Variants in TAB2 observed in about 807,000 individuals in gnomAD.
TAB2 encodes the protein TGF-beta-activated kinase 1 and MAP3K7-binding protein 2.
In TAB2, 3 loss-of-function variants were observed where a neutral mutation model predicts 65.0. The ratio of observed to expected loss-of-function variants is 0.05; its 90% confidence interval spans 0.02 to 0.12. TAB2 has a LOEUF of 0.12. Among genes scored for constraint, TAB2 ranks in the 10% least tolerant of loss-of-function variants. The pLI, the probability that TAB2 is intolerant of heterozygous loss-of-function variation, is 1.00. For missense variants in TAB2, 623 were observed against 840.3 expected (o/e 0.74, Z 3.20); for synonymous variants, 298 against 285.1 (o/e 1.05, Z -0.46).
chr6:149,286,841 C>T (rs779548635), intron 1 of TAB2, among the ~76,000 whole-genome samples: 6 of 152,086 alleles, frequency 3.9e-5, no homozygotes, highest in Non-Finnish European at 4.4e-5. Flanking sequence ...ATTGGCTGGG[C>T]GCGGTAGCTC....
chr6:149,369,763 A>T (rs1781158467), intron 1 of TAB2, 146 bp from the exon 2 acceptor site: 1 of 600,590 alleles, frequency 1.7e-6, no homozygotes, highest in Non-Finnish European at 2.9e-6. Flanking sequence ...GTATAACTAT[A>T]TGGAAAGCAT....
At chr6:149,232,980 T>C (rs1026637991) in intron 1 of TAB2, among the ~76,000 whole-genome samples, 3 of 152,134 alleles carry the variant, frequency 2.0e-5, no homozygotes, top group African/African-American at 7.2e-5. Flanking sequence ...ACAGCTGACA[T>C]CCTGGCCAGG....
At chr6:149,308,591 A>G (rs1779111391) in intron 1 of TAB2, among the ~76,000 whole-genome samples, 1 of 151,818 alleles carries the variant, frequency 6.6e-6, no homozygotes, top group Non-Finnish European at 1.5e-5. Context: ...GCAGTGGCAC[A>G]ATCTCAGGCT....
chr6:149,256,757 A>G (rs1778045534), intron 1 of TAB2, among the ~76,000 whole-genome samples: 1 of 152,214 alleles, frequency 6.6e-6, no homozygotes, highest in Admixed American at 6.5e-5. Context: ...AATAAGGAAC[A>G]GACTTCTTTA....
At chr6:149,363,350 T>C (rs1403217641) in intron 1 of TAB2, among the ~76,000 whole-genome samples, 1 of 152,098 alleles carries the variant, frequency 6.6e-6, no homozygotes, top group Non-Finnish European at 1.5e-5. Flanking sequence ...TAGGTAGGAA[T>C]GTGGAGAAAC....
rs535747844 is a variant in TAB2, at chr6:149,357,272, C to A, written c.-89-12637C>A. On this transcript the variant is annotated intron_variant, in intron 1 of 6. Transcript: ENST00000637181. ...CTCTACTAAAAATACAAAAACTAATCGGGCGTGGTGGTGTGCACCTGTAGT... is the reference window on the plus strand; with the variant it reads ...CTCTACTAAAAATACAAAAACTAATAGGGCGTGGTGGTGTGCACCTGTAGT... Among the ~76,000 whole-genome samples, 14 of 151,996 alleles carry A rather than the reference C, an allele frequency of 9.2e-5. No individual in the cohort carries two copies. In the South Asian group the frequency reaches 2.9e-3, roughly 32 times the overall value.
chr6:149,364,088 A>G (rs1439496465), intron 1 of TAB2, among the ~76,000 whole-genome samples: 1 of 152,106 alleles, frequency 6.6e-6, no homozygotes, highest in Non-Finnish European at 1.5e-5. Context: ...CCTAGTCTCC[A>G]TTGCTATCCA....
chr6:149,235,697 C>T (rs1777482729), intron 1 of TAB2, among the ~76,000 whole-genome samples: 1 of 152,188 alleles, frequency 6.6e-6, no homozygotes, highest in Non-Finnish European at 1.5e-5. Flanking sequence ...ACTGCCTCTA[C>T]AATTAAAAGA....
At chr6:149,323,235 T>C (rs1408555165) in intron 1 of TAB2, among the ~76,000 whole-genome samples, 1 of 152,144 alleles carries the variant, frequency 6.6e-6, no homozygotes, top group East Asian at 1.9e-4. Context: ...TGCTATTTTG[T>C]GAATCTAGCC....
intron 1 of TAB2, among the ~76,000 whole-genome samples, chr6:149,336,185 A>G (rs1209986632): frequency 6.6e-6 from 1 of 152,168 alleles, no homozygotes; most frequent in Non-Finnish European, 1.5e-5. Flanking sequence ...TTTGGAATGA[A>G]TCATTGTCTT....
chr6:149,359,236 T>G (rs1440815590), intron 1 of TAB2, among the ~76,000 whole-genome samples: 2 of 152,218 alleles, frequency 1.3e-5, no homozygotes, highest in South Asian at 4.1e-4. Context: ...CTAGAAATCC[T>G]TTGCTTCCTG....
intron 3 of TAB2, among the ~76,000 whole-genome samples, chr6:149,397,261 G>T (rs1267737922): frequency 1.3e-5 from 2 of 152,184 alleles, no homozygotes; most frequent in Non-Finnish European, 1.5e-5. Context: ...GACCAACATG[G>T]TGAAACCTCA....
At chr6:149,315,365 ATGTG>A (rs1274956957), upstream of TAB2, among the ~76,000 whole-genome samples, 1 of 152,174 alleles carries the variant, frequency 6.6e-6, no homozygotes, top group Non-Finnish European at 1.5e-5. Context: ...CTTTCTGTAT[ATGTG>A]TGTAACAGAT....
At chr6:149,403,341 C>T (rs200364013) in intron 6 of TAB2, among the ~76,000 whole-genome samples, 557 of 3,348 alleles carry the variant, frequency 0.17, 10 homozygotes, top group African/African-American at 0.23. Flanking sequence ...CATATATATA[C>T]ACACACACAC....
chr6:149,400,346 C>T (rs996349249), intron 6 of TAB2: 1 of 1,594,840 alleles, frequency 6.3e-7, no homozygotes, highest in Non-Finnish European at 8.5e-7. Context: ...TGCGGACCCG[C>T]CACCTCTTTT....
In TAB2 at chr6:149,387,631, A is replaced by G. The variant is rs546415788; in HGVS notation, c.1603+8113A>G. On this transcript the variant is annotated intron_variant, in intron 3 of 6. Transcript: ENST00000637181. Reference sequence around the variant, plus strand: ...TTTTAGAATCAGTTTGTCAATTTCTACATAGAAGTCAACTGGAATTCTGAT... The same window carrying G: ...TTTTAGAATCAGTTTGTCAATTTCTGCATAGAAGTCAACTGGAATTCTGAT... 9.8e-4 allele frequency among the ~76,000 whole-genome samples: 149 copies of G among 152,316 alleles called. 5 individuals carry two copies. The South Asian group carries it at 0.028, about 28-fold the overall frequency.
At chr6:149,340,638 T>A (rs1386043144) in intron 1 of TAB2, among the ~76,000 whole-genome samples, 2 of 152,136 alleles carry the variant, frequency 1.3e-5, no homozygotes, top group Admixed American at 1.3e-4. Context: ...GAAGTGGTTT[T>A]TTTATTTGAT....
chr6:149,280,395 C>A (rs1225376054), intron 1 of TAB2, among the ~76,000 whole-genome samples: 2 of 152,134 alleles, frequency 1.3e-5, no homozygotes, highest in Non-Finnish European at 2.9e-5. Flanking sequence ...GGCAGTCACA[C>A]CTGATTAGGA....
At chr6:149,336,202 A>G (rs1779930454) in intron 1 of TAB2, among the ~76,000 whole-genome samples, 1 of 152,138 alleles carries the variant, frequency 6.6e-6, no homozygotes, top group African/African-American at 2.4e-5. Context: ...TCTTGTGCTG[A>G]CTTTAGTGCT....
Sources: gnomAD v4.1 joint callset for allele counts (sites outside exome capture counted in the v4.1 genomes callset) on GRCh38, gnomAD v4.1.1 for gene constraint, MANE v1.5 for transcripts, NCBI Gene and HGNC (gene_info 2026-07-23, HGNC 2026-07-21) for gene names.